The following ASB15 variants were observed in gnomAD, a reference collection of about 807,000 sequenced individuals.
ASB15 encodes ankyrin repeat and SOCS box containing 15, also known as ankyrin repeat and SOCS box protein 15.
ASB15 carries 54 observed loss-of-function variants against 58.0 expected under a neutral mutation model. That is an observed-to-expected ratio of 0.93 (90% CI 0.75 to 1.17). The LOEUF (loss-of-function observed/expected upper bound fraction) is 1.17. Among genes scored for constraint, ASB15 ranks in the 50% most tolerant of loss-of-function variants. ASB15 has a pLI of 0.00. For synonymous variants in ASB15, 249 were observed against 262.4 expected (o/e 0.95, Z 0.50); for missense variants, 680 against 707.4 (o/e 0.96, Z 0.44).
chr7:123,611,291 ATAAT>A (rs1800438013), intron 3 of ASB15, among the ~76,000 whole-genome samples: 1 of 151,868 alleles, frequency 6.6e-6, no homozygotes, highest in Non-Finnish European at 1.5e-5. Flanking sequence ...GTTTAGATAA[ATAAT>A]TTTTTTTTCT....
In ASB15 at chr7:123,568,364, T is replaced by A. The variant is rs865790866; in HGVS notation, c.-443+1276T>A. 6.8e-3 allele frequency among the ~76,000 whole-genome samples: 1,005 copies of A among 148,774 alleles called. 11 individuals carry two copies. Among genetic ancestry groups the A allele is most frequent in the African/African-American group, 0.024 (962 of 40,434 alleles). The stretch of plus-strand genomic sequence containing the variant: ...CCCATCTCTACTAAAAAAAAAAAAA[T>A]ACAAAATTAGCCGGGCATGGTGGCG... On this transcript the variant is annotated intron_variant, in intron 1 of 13. Transcript: ENST00000451558.
At position 123,637,606 on chromosome 7, in the gene ASB15, T is replaced by C; in HGVS notation, c.*625T>C. ...CCCTGGACACTCTGTCTCTGGCTTC[T>C]TTCTGCCTAGCTCATCTCTAGCCAA... On this transcript the variant is annotated 3_prime_UTR_variant, in exon 12 of 12. Coordinates refer to ENST00000451215, the MANE Select transcript of ASB15 (RefSeq NM_001290258.2). 6.6e-6 allele frequency: 1 copy of C among 152,262 alleles called. No homozygotes were observed. Among genetic ancestry groups the C allele is most frequent in the Admixed American group, 6.6e-5 (1 of 15,264 alleles). The allele number at this position is 152,262 out of a possible 1,614,324, so 9.4% of individuals were successfully genotyped here. A position where few individuals can be genotyped will look rare whatever the true frequency, so the allele number is the denominator to read the frequency against.
intron 9 of ASB15, among the ~76,000 whole-genome samples, chr7:123,627,803 A>ACAT (rs2116639432): frequency 6.6e-6 from 1 of 152,348 alleles, no homozygotes; most frequent in African/African-American, 2.4e-5. Flanking sequence ...CACAAAATGT[A>ACAT]CATAATTAAC....
chr7:123,574,373 T>C (rs1316549769), intron 1 of ASB15, among the ~76,000 whole-genome samples: 1 of 152,154 alleles, frequency 6.6e-6, no homozygotes, highest in African/African-American at 2.4e-5. Flanking sequence ...ACCTGAGGAC[T>C]TGTTAAAACA....
intron 1 of ASB15, among the ~76,000 whole-genome samples, chr7:123,589,275 C>A (rs10264170): frequency 0.017 from 2,518 of 150,272 alleles, 65 homozygotes; most frequent in African/African-American, 0.058. Flanking sequence ...TTAACCACTT[C>A]ATCATTATAT....
rs983297029 is a variant in ASB15 at position 123,584,272 on chromosome 7, A to C, written c.-443+17184A>C. On this transcript the variant is annotated intron_variant, in intron 1 of 13. Coordinates refer to the ASB15 transcript ENST00000451558. ...GGCTGCAGTGAGCTATGATCGTGCC[A>C]CTGCACTCAGCCTGTGTGACACAGA... Among the ~76,000 whole-genome samples the C allele has an allele frequency of 2.8e-5, 4 of 141,772 alleles. No homozygotes were observed. In the South Asian group the frequency reaches 6.7e-4, roughly 24 times the overall value. 93.0% of individuals were successfully genotyped at this position (141,772 alleles called of 152,430 possible).
Position 123,637,242 on chromosome 7 carries a change from A to C in ASB15, c.*261A>C, listed in dbSNP as rs1802472045. 4.3e-6 allele frequency: 1 copy of C among 234,708 alleles called. No homozygotes were observed. Among genetic ancestry groups the C allele is most frequent in the Non-Finnish European group, 8.3e-6 (1 of 120,968 alleles). The allele number at this position is 234,708 out of a possible 1,614,324, so 14.5% of individuals were successfully genotyped here. A position where few individuals can be genotyped will look rare whatever the true frequency, so the allele number is the denominator to read the frequency against. ...ACTCTCCCTATCAAGTGGCTCCTACAATATCCACAATCAAGTCTCTATGTT... is the reference window on the plus strand; with the variant it reads ...ACTCTCCCTATCAAGTGGCTCCTACCATATCCACAATCAAGTCTCTATGTT... On this transcript the variant is annotated 3_prime_UTR_variant, in exon 12 of 12. Transcript: ENST00000451215.
intron 1 of ASB15, among the ~76,000 whole-genome samples, chr7:123,581,950 G>C (rs547757106): frequency 3.5e-4 from 53 of 152,104 alleles, no homozygotes; most frequent in African/African-American, 1.3e-3. Flanking sequence ...AAACTGTAAA[G>C]AGCTTTTTAC....
Position 123,624,645 on chromosome 7 carries a change from G to A in ASB15, c.528G>A (p.Lys176=), listed in dbSNP as rs746570652. ...HNTSLDQPCV[K]RWSAMHEAAK... ...CTAGCCTAGACCAGCCCTGTGTCAA[G>A]CGATGGTCAGCAATGCATGAAGCAG... The change falls in exon 8 of 12, where the codon AAG becomes AAA. Residue 176 remains lysine (K), a synonymous_variant. Coordinates refer to ENST00000451215, the MANE Select transcript of ASB15 (RefSeq NM_001290258.2). The A allele has an allele frequency of 6.2e-7, 1 of 1,614,142 alleles. No homozygotes were observed. The highest frequency in any genetic ancestry group is 1.7e-5 in the Admixed American group (1 of 60,016).
chr7:123,594,031 A>G lies in ASB15; in HGVS notation c.-442-10001A>G, dbSNP rs11972308. ...CTTCTCGCTTTATTTCACTAATTTG[A>G]TCATCAATCACGATATCCCTTCTTC... On this transcript the variant is annotated intron_variant, in intron 1 of 13. Transcript: ENST00000451558. Among the ~76,000 whole-genome samples the G allele has an allele frequency of 2.8e-3, 419 of 151,962 alleles. 2 individuals are homozygous for G. The highest frequency in any genetic ancestry group is 4.3e-3 in the Non-Finnish European group (290 of 67,980).
At chr7:123,633,859 G>C (rs1414645511) in intron 11 of ASB15, among the ~76,000 whole-genome samples, 1 of 152,162 alleles carries the variant, frequency 6.6e-6, no homozygotes, top group Non-Finnish European at 1.5e-5. Context: ...GGTCATACCA[G>C]AAAGCAAAGA....
At chr7:123,583,324 A>G (rs571284460) in intron 1 of ASB15, among the ~76,000 whole-genome samples, 2 of 152,092 alleles carry the variant, frequency 1.3e-5, no homozygotes, top group African/African-American at 4.8e-5. Context: ...TTCAACATAT[A>G]TCATATGAGG....
intron 1 of ASB15, among the ~76,000 whole-genome samples, chr7:123,580,572 A>G (rs371695037): frequency 1.1e-4 from 16 of 152,048 alleles, no homozygotes; most frequent in Non-Finnish European, 1.0e-4. Flanking sequence ...TAAATGAGAT[A>G]ATGCATATGA....
chr7:123,624,692 T>G lies in ASB15; in HGVS notation c.575T>G (p.Ile192Ser). The G allele has an allele frequency of 6.2e-7, 1 of 1,614,138 alleles. No individual in the cohort carries two copies. The highest frequency in any genetic ancestry group is 2.2e-5 in the East Asian group (1 of 44,878). ...HEAAKQGRKD[I>S]VALLLKHGGN... The stretch of plus-strand genomic sequence containing the variant: ...GCAGCCAAGCAAGGCCGAAAAGATA[T>G]CGTAGCTCTGCTGCTGAAACATGGA... The change falls in exon 8 of 12, where the codon ATC becomes AGC. Residue 192 changes from isoleucine (I) to serine (S), a missense_variant. Coordinates refer to ENST00000451215, the MANE Select transcript of ASB15 (RefSeq NM_001290258.2).
At chr7:123,626,552 T>C (rs1801786573) in intron 8 of ASB15, among the ~76,000 whole-genome samples, 1 of 152,226 alleles carries the variant, frequency 6.6e-6, no homozygotes, top group Non-Finnish European at 1.5e-5. Flanking sequence ...TTCAGAAGAA[T>C]TTGCCTGTCA....
intron 4 of ASB15, 110 bp downstream of exon 4, chr7:123,614,719 C>T: frequency 1.3e-6 from 1 of 765,246 alleles, no homozygotes; most frequent in Non-Finnish European, 2.2e-6. Context: ...ATTGACCTTT[C>T]CTTTCTGATA....
chr7:123,603,225 C>A (rs1052279550), intron 1 of ASB15, among the ~76,000 whole-genome samples: 3 of 152,020 alleles, frequency 2.0e-5, no homozygotes, highest in Non-Finnish European at 2.9e-5. Context: ...GCATGGATCC[C>A]ATATATATGT....
intron 1 of ASB15, among the ~76,000 whole-genome samples, chr7:123,577,398 T>A (rs1335575084): frequency 6.6e-6 from 1 of 152,190 alleles, no homozygotes; most frequent in Non-Finnish European, 1.5e-5. Context: ...CAGTTTCCCT[T>A]CCTTTAACAG....
At chr7:123,577,251 G>T (rs1393981046) in intron 1 of ASB15, among the ~76,000 whole-genome samples, 4 of 151,958 alleles carry the variant, frequency 2.6e-5, no homozygotes, top group African/African-American at 9.7e-5. Context: ...CCATGATTTT[G>T]CATTTTATTA....
Sources: allele counts gnomAD v4.1 joint callset (sites outside exome capture counted in the v4.1 genomes callset), GRCh38; gene constraint gnomAD v4.1.1; transcripts MANE v1.5; gene names NCBI Gene and HGNC (gene_info 2026-07-23, HGNC 2026-07-21).